Variants in DAP3 observed in about 807,000 individuals in gnomAD.
The protein encoded by DAP3 is death associated protein 3.
DAP3 carries 28 observed loss-of-function variants against 51.9 expected under a neutral mutation model. That is an observed-to-expected ratio of 0.54 (90% confidence interval 0.40 to 0.74). DAP3 has a LOEUF of 0.74. Ranked by LOEUF, DAP3 falls within the 30% of genes least tolerant of loss-of-function variation. The probability of loss-of-function intolerance (pLI) is 0.00; values close to 1 mark genes in which losing one functional copy is unlikely to be tolerated. For missense variants in DAP3, 458 were observed against 483.5 expected (o/e 0.95, Z 0.49); for synonymous variants, 170 against 170.3 (o/e 1.00, Z 0.01).
At chr1:155,735,618 TCATTTGTTTC>T (rs375180661) in intron 11 of DAP3, among the ~76,000 whole-genome samples, 7 of 152,088 alleles carry the variant, frequency 4.6e-5, no homozygotes, top group African/African-American at 7.2e-5. Context: ...TTTGATTACT[TCATTTGTTTC>T]CATTTGTTTT....
chr1:155,696,975 G>A (rs545843464), intron 1 of DAP3, among the ~76,000 whole-genome samples: 31 of 152,310 alleles, frequency 2.0e-4, no homozygotes, highest in Non-Finnish European at 4.0e-4. Context: ...GCATTACAGC[G>A]TTGACCTCTT....
chr1:155,721,524 A>G lies in DAP3; in HGVS notation c.176A>G (p.His59Arg), dbSNP rs1321458708. ...TGCACTCTTATTTCCTAGGCCAAGCATGGGGATCAGCACGAGGGTCAGCAC... is the reference window on the plus strand; with the variant it reads ...TGCACTCTTATTTCCTAGGCCAAGCGTGGGGATCAGCACGAGGGTCAGCAC... ...SRTNENDPAKHGDQHEGQHYN... is the reference protein window; with the variant it reads ...SRTNENDPAKRGDQHEGQHYN... The change falls in exon 4 of 13, where the codon CAT becomes CGT. Residue 59 changes from histidine to arginine, a missense_variant. Coordinates refer to ENST00000368336, the MANE Select transcript of DAP3 (RefSeq NM_004632.4). 20 of 1,613,782 alleles carry G rather than the reference A, an allele frequency of 1.2e-5. No homozygotes were observed. The highest frequency in any genetic ancestry group is 1.6e-5 in the Non-Finnish European group (19 of 1,179,966).
chr1:155,696,537 T>C (rs182742185), intron 1 of DAP3, among the ~76,000 whole-genome samples: 2 of 152,228 alleles, frequency 1.3e-5, no homozygotes, highest in African/African-American at 4.8e-5. Flanking sequence ...TCCCCAAATA[T>C]TGAAAAGGAA....
chr1:155,730,364 A>T (rs966601425), intron 9 of DAP3, among the ~76,000 whole-genome samples: 4 of 151,826 alleles, frequency 2.6e-5, no homozygotes, highest in Non-Finnish European at 5.9e-5. Context: ...CAGCACTTTT[A>T]GGAGGCCAAG....
chr1:155,734,864 C>A (rs759284494), intron 11 of DAP3, among the ~76,000 whole-genome samples: 1 of 152,176 alleles, frequency 6.6e-6, no homozygotes, highest in Non-Finnish European at 1.5e-5. Context: ...TATACCCTTT[C>A]CATATCTGTA....
intron 4 of DAP3, among the ~76,000 whole-genome samples, chr1:155,724,860 C>T (rs1458473515): frequency 1.3e-5 from 2 of 150,664 alleles, no homozygotes; most frequent in Non-Finnish European, 2.9e-5. Flanking sequence ...GAGGCTGAGG[C>T]AGGAGAATCA....
upstream of DAP3, chr1:155,688,927 T>C: frequency 6.2e-7 from 1 of 1,613,094 alleles, no homozygotes; most frequent in Non-Finnish European, 8.5e-7. Context: ...CATGACAACC[T>C]ACCTCCCTGG....
Position 155,689,156 on chromosome 1 carries a change from A to C in DAP3, c.-26A>C. The stretch of plus-strand genomic sequence containing the variant: ...CGTGTGTCGGTCGCCTAGTCTGGAG[A>C]ACTAGTCCTCGACTCACGGTGAGGG... On this transcript the variant is annotated 5_prime_UTR_variant, in exon 1 of 13. Transcript: ENST00000368336. The C allele has an allele frequency of 1.3e-6, 1 of 788,018 alleles. No homozygotes were observed. Among genetic ancestry groups the C allele is most frequent in the Non-Finnish European group, 2.1e-6 (1 of 467,696 alleles). 48.8% of individuals were successfully genotyped at this position (788,018 alleles called of 1,614,324 possible).
chr1:155,730,103 C>T (rs555411816), intron 9 of DAP3, among the ~76,000 whole-genome samples: 1 of 136,454 alleles, frequency 7.3e-6, no homozygotes, highest in East Asian at 2.0e-4. Context: ...TATATACACA[C>T]ATATATTCAT....
rs185986643 is a variant in DAP3 at position 155,719,399 on chromosome 1, C to T, written c.169-2118C>T. On this transcript the variant is annotated intron_variant, in intron 3 of 12. Transcript: ENST00000368336. Reference sequence around the variant, plus strand: ...TACAGGCATCCACCACCATGCCTGGCTAAGTTTTGTATTTTTAGTACAGAT... The same window carrying T: ...TACAGGCATCCACCACCATGCCTGGTTAAGTTTTGTATTTTTAGTACAGAT... 6.7e-4 allele frequency among the ~76,000 whole-genome samples: 101 copies of T among 151,690 alleles called. 1 individual carries two copies. The highest frequency in any genetic ancestry group is 2.4e-3 in the African/African-American group (97 of 41,150).
At chr1:155,708,644 C>T (rs1490648591) in intron 1 of DAP3, among the ~76,000 whole-genome samples, 1 of 149,554 alleles carries the variant, frequency 6.7e-6, no homozygotes, top group Non-Finnish European at 1.5e-5. Context: ...AAGCAATCCT[C>T]CTGCCTTAGC....
intron 1 of DAP3, among the ~76,000 whole-genome samples, chr1:155,700,672 C>A (rs1241963773): frequency 2.2e-5 from 3 of 137,470 alleles, no homozygotes; most frequent in Non-Finnish European, 4.7e-5. Flanking sequence ...GCCCGGCCAG[C>A]CACCCCGTCC....
At chr1:155,708,477 ATGT>A (rs1454683350) in intron 1 of DAP3, among the ~76,000 whole-genome samples, 1 of 151,094 alleles carries the variant, frequency 6.6e-6, no homozygotes, top group African/African-American at 2.4e-5. Context: ...ATACAATGTA[ATGT>A]TTCGCAGCCT....
At chr1:155,693,302 G>T (rs1357482295) in intron 1 of DAP3, among the ~76,000 whole-genome samples, 2 of 141,764 alleles carry the variant, frequency 1.4e-5, no homozygotes, top group African/African-American at 6.4e-5. Context: ...GGCGCCATTC[G>T]GTTGGAAGAA....
intron 1 of DAP3, among the ~76,000 whole-genome samples, chr1:155,694,858 A>G (rs1654312437): frequency 6.6e-6 from 1 of 152,200 alleles, no homozygotes; most frequent in Admixed American, 6.5e-5. Context: ...TGTCCTGTTA[A>G]ATGCTCTTCA....
intron 2 of DAP3, among the ~76,000 whole-genome samples, chr1:155,710,939 G>T (rs990717924): frequency 7.2e-5 from 11 of 152,086 alleles, no homozygotes; most frequent in Non-Finnish European, 1.5e-4. Context: ...AGCGGGATTA[G>T]TCGAGTCAGC....
intron 4 of DAP3, 77 bp downstream of exon 4, chr1:155,721,695 G>C: frequency 5.1e-6 from 7 of 1,377,530 alleles, no homozygotes; most frequent in Non-Finnish European, 7.1e-6. Context: ...GGCTAAATGA[G>C]AAGAAAATTT....
At position 155,729,218 on chromosome 1, in the gene DAP3, G is replaced by T. The variant is rs145328544; in HGVS notation, c.695G>T (p.Arg232Leu). 2 of 1,614,206 alleles carry T rather than the reference G, an allele frequency of 1.2e-6. No individual in the cohort carries two copies. Among genetic ancestry groups the T allele is most frequent in the Admixed American group, 1.7e-5 (1 of 60,010 alleles). The change falls in exon 9 of 13, where the codon CGG becomes CTG. Residue 232 changes from arginine to leucine, a missense_variant. Coordinates refer to ENST00000368336, the MANE Select transcript of DAP3 (RefSeq NM_004632.4). ...LGEVVEQGITRVRNATDAVGI... is the reference protein window; with the variant it reads ...LGEVVEQGITLVRNATDAVGI... ...TGTCTCTCCCAATAGGGCATAACAC[G>T]GGTGAGGAACGCCACAGATGCAGTT...
upstream of DAP3, chr1:155,688,779 C>T (rs1418669047): frequency 3.3e-6 from 5 of 1,537,986 alleles, no homozygotes; most frequent in African/African-American, 5.5e-5. Context: ...CCCTACACTC[C>T]TCGCGCGTGC....
Sources: gnomAD v4.1 joint callset for allele counts (sites outside exome capture counted in the v4.1 genomes callset) on GRCh38, gnomAD v4.1.1 for gene constraint, MANE v1.5 for transcripts, NCBI Gene and HGNC (gene_info 2026-07-23, HGNC 2026-07-21) for gene names.